VPS26C: variants seen among roughly 807,000 people sequenced by gnomAD.
The protein encoded by VPS26C is VPS26 endosomal protein sorting factor C.
Under a neutral mutation model 30.6 loss-of-function variants are expected in VPS26C, and 19 were observed. That is an observed-to-expected ratio of 0.62 (90% CI 0.43 to 0.91). The LOEUF is 0.91. Ranked by LOEUF, VPS26C falls within the 40% of genes least tolerant of loss-of-function variation. The pLI, the probability that VPS26C is intolerant of heterozygous loss-of-function variation, is 0.00. For synonymous variants in VPS26C, 132 were observed against 151.5 expected (o/e 0.87, Z 0.95); for missense variants, 318 against 385.1 (o/e 0.83, Z 1.46).
Position 37,238,466 on chromosome 21 carries a change from G to A in VPS26C, c.345C>T (p.Asn115=), listed in dbSNP as rs1985623970. 19 of 1,613,980 alleles carry A rather than the reference G, an allele frequency of 1.2e-5. No individual in the cohort carries two copies. The highest frequency in any genetic ancestry group is 4.0e-5 in the African/African-American group (3 of 75,034). Residue 115 remains asparagine, a synonymous_variant, in exon 3 of 8, where the codon AAC becomes AAT. Transcript: ENST00000309117. ...LYETYHGVFV[N]IQYTLRCDMK... Reference sequence around the variant, plus strand: ...AGGACTAGGAAGCTCTCACCTGAATGTTGACAAACACGCCATGATACGTCT... The same window carrying A: ...AGGACTAGGAAGCTCTCACCTGAATATTGACAAACACGCCATGATACGTCT...
At chr21:37,247,842 G>A (rs965495315) in intron 1 of VPS26C, among the ~76,000 whole-genome samples, 3 of 152,170 alleles carry the variant, frequency 2.0e-5, no homozygotes, top group Non-Finnish European at 4.4e-5. Flanking sequence ...ACAAGACAAA[G>A]GGGACTTTAC....
chr21:37,264,948 A>T (rs2086343385), intron 1 of VPS26C, among the ~76,000 whole-genome samples: 1 of 152,268 alleles, frequency 6.6e-6, no homozygotes, highest in South Asian at 2.1e-4. Flanking sequence ...AATATTATTC[A>T]GCCACAGAAA....
chr21:37,228,023 T>C (rs893002027), intron 6 of VPS26C, among the ~76,000 whole-genome samples, 200 bp downstream of exon 6: 1 of 152,244 alleles, frequency 6.6e-6, no homozygotes, highest in Non-Finnish European at 1.5e-5. Flanking sequence ...TGGTCTGCTC[T>C]GCTGCCCAGG....
At chr21:37,265,857 T>G (rs910253185) in intron 1 of VPS26C, among the ~76,000 whole-genome samples, 1 of 151,694 alleles carries the variant, frequency 6.6e-6, no homozygotes. Context: ...TTGTTGTGCT[T>G]GGCTAGAGGA....
At chr21:37,240,188 T>C (rs1215118070) in intron 2 of VPS26C, among the ~76,000 whole-genome samples, 2 of 152,114 alleles carry the variant, frequency 1.3e-5, no homozygotes, top group Non-Finnish European at 2.9e-5. Context: ...AGTGCTGTGA[T>C]CATAGCTCAC....
Position 37,232,410 on chromosome 21 carries a change from C to T in VPS26C, c.474G>A (p.Thr158=), listed in dbSNP as rs138125105. ...CGTTCTGTAAGGTTTCAGGTGTAAT[C>T]GTGAAGTCCACGGGACTGGGAGTAA... ...GKFTPSPVDF[T]ITPETLQNVK... is the part of the protein sequence containing the mutation. The change falls in exon 5 of 8, where the codon ACG becomes ACA. Residue 158 remains threonine (T), a synonymous_variant. Transcript: ENST00000309117. 7.7e-5 allele frequency: 125 copies of T among 1,614,194 alleles called. 1 individual carries two copies. In the Middle Eastern group the frequency reaches 3.5e-3, roughly 45 times the overall value.
At chr21:37,246,753 A>G (rs2086141423) in intron 1 of VPS26C, among the ~76,000 whole-genome samples, 1 of 152,172 alleles carries the variant, frequency 6.6e-6, no homozygotes, top group Non-Finnish European at 1.5e-5. Context: ...AAAATGTATT[A>G]TTCAAACCAT....
At chr21:37,256,041 G>A (rs1008626158) in intron 1 of VPS26C, among the ~76,000 whole-genome samples, 5 of 152,112 alleles carry the variant, frequency 3.3e-5, no homozygotes, top group Admixed American at 6.5e-5. Context: ...TCTTCATGTT[G>A]TTCAGGATGG....
chr21:37,247,548 C>A (rs746640694), intron 1 of VPS26C, among the ~76,000 whole-genome samples: 1 of 152,070 alleles, frequency 6.6e-6, no homozygotes, highest in Non-Finnish European at 1.5e-5. Context: ...GTTTCAAAAG[C>A]TACTTAAAAA....
chr21:37,236,905 T>G (rs756235863), intron 3 of VPS26C, among the ~76,000 whole-genome samples: 3 of 152,210 alleles, frequency 2.0e-5, no homozygotes, highest in Non-Finnish European at 2.9e-5. Flanking sequence ...TAGCCTCCAA[T>G]GTACACACAG....
intron 6 of VPS26C, 40 bp downstream of exon 6, chr21:37,228,183 G>T (rs777367712): frequency 6.3e-7 from 1 of 1,597,260 alleles, no homozygotes; most frequent in South Asian, 1.1e-5. Flanking sequence ...GGCAGTCGAG[G>T]GGGACAGGCA....
intron 1 of VPS26C, among the ~76,000 whole-genome samples, chr21:37,262,967 G>T (rs913037416): frequency 2.0e-5 from 3 of 151,890 alleles, no homozygotes; most frequent in African/African-American, 7.3e-5. Flanking sequence ...GTTTCGCCAC[G>T]TTGGCCAGGC....
intron 6 of VPS26C, 109 bp from the exon 7 acceptor site, chr21:37,227,915 T>C: frequency 7.0e-7 from 1 of 1,421,484 alleles, no homozygotes; most frequent in Admixed American, 2.0e-5. Context: ...CAGGGTCCCC[T>C]CCCCTCACTT....
At position 37,257,392 on chromosome 21, in the gene VPS26C, G is replaced by T. The variant is rs954047785; in HGVS notation, c.57+9846C>A. On this transcript the variant is annotated intron_variant, in intron 1 of 7. Transcript: ENST00000309117. The surrounding 1 kb of genome is among the most constrained non-coding windows in gnomAD (Gnocchi z 4.2). ...GACGTGTGGACCACGCTCTTCCGAA[G>T]CGTCTGGCCTGTGTGCTCTCGGGGA... Among the ~76,000 whole-genome samples, 1 of 152,220 alleles carries T rather than the reference G, an allele frequency of 6.6e-6. No homozygotes were observed. The highest frequency in any genetic ancestry group is 1.5e-5 in the Non-Finnish European group (1 of 68,036).
chr21:37,236,326 A>G (rs2086023710), intron 3 of VPS26C, among the ~76,000 whole-genome samples: 1 of 152,210 alleles, frequency 6.6e-6, no homozygotes, highest in African/African-American at 2.4e-5. Flanking sequence ...ATAAAACTGT[A>G]AGAAAAAGAC....
At chr21:37,238,313 A>G in intron 3 of VPS26C, 147 bp downstream of exon 3, 1 of 897,940 alleles carries the variant, frequency 1.1e-6, no homozygotes, top group Non-Finnish European at 1.6e-6. Context: ...GGGAAATGAG[A>G]AATTAACGTC....
At chr21:37,236,833 G>A (rs2086030011) in intron 3 of VPS26C, among the ~76,000 whole-genome samples, 2 of 152,212 alleles carry the variant, frequency 1.3e-5, no homozygotes, top group South Asian at 4.1e-4. Context: ...GACGAGGGTA[G>A]GGGCAATTAT....
chr21:37,267,533 G>T (rs1221633484), upstream of VPS26C: 7 of 564,418 alleles, frequency 1.2e-5, no homozygotes, highest in Admixed American at 3.4e-5. Flanking sequence ...GGTTCACCCC[G>T]CCCCCTCTGG....
chr21:37,227,946 G>A, intron 6 of VPS26C, 140 bp from the exon 7 acceptor site: 1 of 1,172,166 alleles, frequency 8.5e-7, no homozygotes, highest in Non-Finnish European at 1.2e-6. Context: ...CGCGGCTACT[G>A]CTAAGGCACA....
Sources: allele counts gnomAD v4.1 joint callset (sites outside exome capture counted in the v4.1 genomes callset), GRCh38; gene constraint gnomAD v4.1.1; non-coding constraint Gnocchi (gnomAD v3.1); transcripts MANE v1.5; gene names NCBI Gene and HGNC (gene_info 2026-07-23, HGNC 2026-07-21).